Variants in EXOC6 observed in about 807,000 individuals in gnomAD.
EXOC6 encodes SEC15-like 1.
EXOC6 carries 60 observed loss-of-function variants against 112.5 expected under a neutral mutation model. The ratio of observed to expected loss-of-function variants is 0.53; its 90% confidence interval spans 0.43 to 0.66. The LOEUF (loss-of-function observed/expected upper bound fraction) is 0.66, where lower values mean the gene tolerates loss of function less well. EXOC6 is among the 30% of genes least tolerant of loss of function. EXOC6 has a pLI of 0.00. For missense variants in EXOC6, 855 were observed against 957.1 expected, an observed-to-expected ratio of 0.89 and a Z score of 1.41; for synonymous variants, 295 against 308.0, an observed-to-expected ratio of 0.96 and a Z score of 0.44.
chr10:92,949,900 G>A lies in EXOC6; in HGVS notation c.1416+1521G>A, dbSNP rs544998236. Reference sequence around the variant, plus strand: ...CGTGAGCCACTGTACCTGGCTGCTTGTGGCTTATTATAGGCAAATGACTGA... The same window carrying A: ...CGTGAGCCACTGTACCTGGCTGCTTATGGCTTATTATAGGCAAATGACTGA... On this transcript the variant is annotated intron_variant, in intron 14 of 21. Transcript: ENST00000260762. Among the ~76,000 whole-genome samples, 5 of 152,220 alleles carry A rather than the reference G, an allele frequency of 3.3e-5. No individual in the cohort carries two copies. The East Asian group carries it at 9.7e-4, about 29-fold the overall frequency.
intron 19 of EXOC6, among the ~76,000 whole-genome samples, chr10:93,012,881 A>C (rs10748588): frequency 0.36 from 55,302 of 151,820 alleles, 11,241 homozygotes; most frequent in East Asian, 0.79. Flanking sequence ...AAAAACCCCC[A>C]AAAAAACAAA....
chr10:92,987,619 A>C (rs1251756252), intron 18 of EXOC6: 2 of 984,824 alleles, frequency 2.0e-6, no homozygotes, highest in Non-Finnish European at 2.4e-6. Flanking sequence ...TCAGACTAAC[A>C]ACAATGATCA....
rs189961801 is a variant in EXOC6, at chr10:92,907,830, A to G, written c.459-1597A>G. 5.3e-5 allele frequency among the ~76,000 whole-genome samples: 8 copies of G among 152,174 alleles called. 1 individual carries two copies. The East Asian group carries it at 1.5e-3, about 29-fold the overall frequency. ...CTCAGGTATTATCAAAATTATTGTA[A>G]TGACATCTCTCCTACCCATACCACC... On this transcript the variant is annotated intron_variant, in intron 5 of 21. Coordinates refer to ENST00000260762, the MANE Select transcript of EXOC6 (RefSeq NM_019053.6).
Position 92,997,608 on chromosome 10 carries a change from G to A in EXOC6, c.2088G>A (p.Gln696=), listed in dbSNP as rs555939357. Reference sequence around the variant, plus strand: ...AGCAGTTTAACTTAGATGTCATACAGTGTGAATGTAAGTACTATATTGGTT... The same window carrying A: ...AGCAGTTTAACTTAGATGTCATACAATGTGAATGTAAGTACTATATTGGTT... ...AVQQFNLDVI[Q]CELFASSEPV... Residue 696 remains glutamine, a synonymous_variant, in exon 19 of 22, where the codon CAG becomes CAA. Coordinates refer to ENST00000260762, the MANE Select transcript of EXOC6 (RefSeq NM_019053.6). 18 of 1,608,454 alleles carry A rather than the reference G, an allele frequency of 1.1e-5. No individual in the cohort carries two copies. The East Asian group carries it at 3.8e-4, about 34-fold the overall frequency.
intron 8 of EXOC6, among the ~76,000 whole-genome samples, chr10:92,926,302 C>T (rs935572702): frequency 6.6e-6 from 1 of 151,758 alleles, no homozygotes; most frequent in Non-Finnish European, 1.5e-5. Flanking sequence ...GCCTTATAAT[C>T]TCAAAGATAA....
intron 1 of EXOC6, among the ~76,000 whole-genome samples, chr10:92,854,719 A>G (rs1358330211): frequency 6.6e-6 from 1 of 152,230 alleles, no homozygotes; most frequent in East Asian, 1.9e-4. Flanking sequence ...CATAGTGCAT[A>G]AAGTATAATC....
At chr10:92,974,675 C>T (rs909795503) in intron 18 of EXOC6, among the ~76,000 whole-genome samples, 3 of 151,006 alleles carry the variant, frequency 2.0e-5, no homozygotes, top group Admixed American at 1.3e-4. Context: ...GCCTGATTCT[C>T]CTGCCTCAGC....
intron 19 of EXOC6, among the ~76,000 whole-genome samples, chr10:93,007,338 T>G (rs1799242136): frequency 6.6e-6 from 1 of 152,102 alleles, no homozygotes; most frequent in Admixed American, 6.6e-5. Context: ...CTACAGGTAT[T>G]CTTTGTTCTC....
At chr10:92,849,854 G>A (rs139719519) in intron 1 of EXOC6, among the ~76,000 whole-genome samples, 1 of 152,256 alleles carries the variant, frequency 6.6e-6, no homozygotes, top group East Asian at 1.9e-4. Flanking sequence ...AGAGTATTCA[G>A]ATGCCCAGGA....
chr10:92,921,156 C>CT (rs1409457290), intron 8 of EXOC6, among the ~76,000 whole-genome samples: 3 of 151,076 alleles, frequency 2.0e-5, no homozygotes, highest in East Asian at 1.9e-4. Context: ...TGTCTTATAT[C>CT]TTTTTTGTTC....
intron 20 of EXOC6, among the ~76,000 whole-genome samples, chr10:93,050,405 G>GGCAATA (rs1468361532): frequency 7.2e-5 from 11 of 151,736 alleles, no homozygotes; most frequent in Non-Finnish European, 1.3e-4. Context: ...ACAAAAATTA[G>GGCAATA]CCGGGCGTGG....
In EXOC6 at chr10:93,024,793, C is replaced by G. The variant is rs188601602; in HGVS notation, c.2169+10526C>G. On this transcript the variant is annotated intron_variant, in intron 20 of 21. Coordinates refer to ENST00000260762, the MANE Select transcript of EXOC6 (RefSeq NM_019053.6). ...AACTCATTACAGGGCACCTCCCTCACTTATTTTAGGGTTTATTACATGAAA... is the reference window on the plus strand; with the variant it reads ...AACTCATTACAGGGCACCTCCCTCAGTTATTTTAGGGTTTATTACATGAAA... Among the ~76,000 whole-genome samples, 452 of 152,272 alleles carry G rather than the reference C, an allele frequency of 3.0e-3. 1 individual carries two copies. Among genetic ancestry groups the G allele is most frequent in the African/African-American group, 0.01 (430 of 41,552 alleles).
intron 13 of EXOC6, among the ~76,000 whole-genome samples, chr10:92,945,100 C>T (rs1377401893): frequency 6.6e-6 from 1 of 152,022 alleles, no homozygotes; most frequent in Non-Finnish European, 1.5e-5. Context: ...ATTTGGATTT[C>T]CCTGATGATT....
At chr10:92,988,455 T>C (rs1162588242) in intron 18 of EXOC6, among the ~76,000 whole-genome samples, 1 of 152,194 alleles carries the variant, frequency 6.6e-6, no homozygotes, top group African/African-American at 2.4e-5. Flanking sequence ...AAGTTCAAGT[T>C]TTGATTAATG....
chr10:93,011,852 G>A (rs1485910693), intron 19 of EXOC6, among the ~76,000 whole-genome samples: 1 of 152,058 alleles, frequency 6.6e-6, no homozygotes, highest in Admixed American at 6.6e-5. Flanking sequence ...TTATTGTCTA[G>A]GGTAATGGTG....
intron 19 of EXOC6, among the ~76,000 whole-genome samples, chr10:93,012,895 A>C (rs1205202343): frequency 6.6e-6 from 1 of 152,128 alleles, no homozygotes; most frequent in Admixed American, 6.6e-5. Flanking sequence ...AAACAAAAAA[A>C]TCATTAGCCA....
intron 18 of EXOC6, among the ~76,000 whole-genome samples, chr10:92,977,840 C>T (rs1842689988): frequency 6.6e-6 from 1 of 152,154 alleles, no homozygotes; most frequent in Admixed American, 6.5e-5. Flanking sequence ...TCCAAGGTCA[C>T]CTTCTAGGCT....
intron 7 of EXOC6, among the ~76,000 whole-genome samples, chr10:92,919,453 A>G (rs1296905773): frequency 6.6e-6 from 1 of 152,098 alleles, no homozygotes; most frequent in African/African-American, 2.4e-5. Context: ...TCCACATAAC[A>G]TTTCAGAATA....
rs376898660 is a variant in EXOC6, at chr10:92,945,633, C to A, written c.1311-2641C>A. On this transcript the variant is annotated intron_variant, in intron 13 of 21. Coordinates refer to ENST00000260762, the MANE Select transcript of EXOC6 (RefSeq NM_019053.6). ...ATCTCTTCTTCCATAGTAACTGGTT[C>A]CCTGGCATTTGTATAAAGTTAGTAG... Among the ~76,000 whole-genome samples, 14 of 152,262 alleles carry A rather than the reference C, an allele frequency of 9.2e-5. No individual in the cohort carries two copies. In the East Asian group the frequency reaches 1.9e-3, roughly 21 times the overall value.
Sources: gnomAD v4.1 joint callset for allele counts (sites outside exome capture counted in the v4.1 genomes callset) on GRCh38, gnomAD v4.1.1 for gene constraint, MANE v1.5 for transcripts, NCBI Gene and HGNC (gene_info 2026-07-23, HGNC 2026-07-21) for gene names.